Variants in ERP27 observed in about 807,000 individuals in gnomAD.
ERP27 encodes the protein endoplasmic reticulum resident protein 27.
Under a neutral mutation model 27.7 loss-of-function variants are expected in ERP27, and 23 were observed. That is an observed-to-expected ratio of 0.83 (90% confidence interval 0.60 to 1.18). ERP27 has a LOEUF of 1.18. Ranked by LOEUF, ERP27 falls within the 50% of genes most tolerant of loss-of-function variation. ERP27 has a pLI of 0.00. For synonymous variants in ERP27, 159 were observed against 118.3 expected (o/e 1.34, Z -2.23); for missense variants, 363 against 327.9 (o/e 1.11, Z -0.83).
At chr12:14,917,147 A>G (rs1863422629) in intron 5 of ERP27, 31 bp downstream of exon 5, 1 of 1,613,446 alleles carries the variant, frequency 6.2e-7, no homozygotes, top group Non-Finnish European at 8.5e-7. Context: ...GGAGGTGTGT[A>G]TGCAATAGGA....
chr12:14,931,048 T>C (rs1478167485), intron 3 of ERP27, among the ~76,000 whole-genome samples: 4 of 152,186 alleles, frequency 2.6e-5, no homozygotes, highest in African/African-American at 9.7e-5. Flanking sequence ...AAAGCCACTA[T>C]AATATAGTAA....
intron 4 of ERP27, among the ~76,000 whole-genome samples, chr12:14,918,397 T>C (rs1863447416): frequency 6.6e-6 from 1 of 152,222 alleles, no homozygotes; most frequent in Non-Finnish European, 1.5e-5. Flanking sequence ...TTTTGCTGAT[T>C]AGAGATGGTG....
At position 14,917,198 on chromosome 12, in the gene ERP27, C is replaced by T. The variant is rs1305733915; in HGVS notation, c.556G>A (p.Ala186Thr). Residue 186 changes from alanine to threonine, a missense_variant, in exon 5 of 7, where the codon GCC becomes ACC. By Grantham distance (58) the Ala-to-Thr change is moderately conservative (BLOSUM62 0). Coordinates refer to ENST00000266397, the MANE Select transcript of ERP27 (RefSeq NM_152321.4). ...EENMHRYQKAAKLFQGKILFI... is the reference protein window; with the variant it reads ...EENMHRYQKATKLFQGKILFI... ...CTTACCTTCCCCTGGAAGAGCTTGG[C>T]TGCCTTCTGGTATCTGTGCATGTTC... 1.2e-6 allele frequency: 2 copies of T among 1,614,134 alleles called. No individual in the cohort carries two copies. Among genetic ancestry groups the T allele is most frequent in the Non-Finnish European group, 1.7e-6 (2 of 1,180,006 alleles).
chr12:14,928,855 C>T lies in ERP27; in HGVS notation c.333+6001G>A. The T allele has an allele frequency of 6.8e-6, 9 of 1,330,664 alleles. No individual in the cohort carries two copies. The South Asian group carries it at 1.1e-4, about 17-fold the overall frequency. 82.4% of individuals were successfully genotyped at this position (1,330,664 alleles called of 1,614,324 possible). ...TACCACCTCCTTCCCCTTCCCTTGC[C>T]CATATCAAGACGAATGAGTAAAGAA... On this transcript the variant is annotated intron_variant, in intron 3 of 6. Coordinates refer to ENST00000266397, the MANE Select transcript of ERP27 (RefSeq NM_152321.4).
At chr12:14,916,800 T>A (rs1345371036) in intron 5 of ERP27, among the ~76,000 whole-genome samples, 3 of 152,082 alleles carry the variant, frequency 2.0e-5, no homozygotes, top group African/African-American at 7.2e-5. Flanking sequence ...AGGCACCAGG[T>A]ACTTGATAGG....
intron 3 of ERP27, among the ~76,000 whole-genome samples, chr12:14,932,239 A>G (rs1863708001): frequency 2.0e-5 from 3 of 152,210 alleles, no homozygotes; most frequent in Admixed American, 1.3e-4. Context: ...TATGATATGA[A>G]TTATAAAATG....
Position 14,914,374 on chromosome 12 carries a change from C to G in ERP27, c.*361G>C. On this transcript the variant is annotated 3_prime_UTR_variant, in exon 7 of 7. Transcript: ENST00000266397. ...AATGACAAATTGGAACAATCTTTCT[C>G]TAGGAATGCCTCTCTTTCATAGAGG... 8.8e-6 allele frequency: 2 copies of G among 227,992 alleles called. No homozygotes were observed. The highest frequency in any genetic ancestry group is 1.7e-5 in the Non-Finnish European group (2 of 116,890). 14.1% of individuals were successfully genotyped at this position (227,992 alleles called of 1,614,324 possible).
rs1416409097 is a variant in ERP27, at chr12:14,920,692, G to C, written c.450+240C>G. ...TGGCCTTGAGTTAGTCACCTTAACTGTGCATTCTGGTTCTCTTTCTTACTA... is the reference window on the plus strand; with the variant it reads ...TGGCCTTGAGTTAGTCACCTTAACTCTGCATTCTGGTTCTCTTTCTTACTA... On this transcript the variant is annotated intron_variant, in intron 4 of 6. Transcript: ENST00000266397. Among the ~76,000 whole-genome samples, 3 of 152,106 alleles carry C rather than the reference G, an allele frequency of 2.0e-5. No individual in the cohort carries two copies. In the East Asian group the frequency reaches 5.8e-4, roughly 29 times the overall value.
intron 6 of ERP27, 68 bp from the exon 7 acceptor site, chr12:14,914,850 T>C (rs1033648512): frequency 1.6e-6 from 2 of 1,268,432 alleles, no homozygotes; most frequent in Admixed American, 2.0e-5. Context: ...AAGTCCTAAA[T>C]CCTTCTTTAA....
At chr12:14,927,323 G>A (rs1301693775) in intron 3 of ERP27, among the ~76,000 whole-genome samples, 2 of 151,804 alleles carry the variant, frequency 1.3e-5, no homozygotes, top group African/African-American at 4.8e-5. Context: ...GTGTGTGTGT[G>A]CGTGTGTGCA....
intron 4 of ERP27, among the ~76,000 whole-genome samples, chr12:14,917,730 G>C (rs1863434196): frequency 6.6e-6 from 1 of 152,150 alleles, no homozygotes; most frequent in Admixed American, 6.5e-5. Flanking sequence ...ATTCATGTGA[G>C]GGAGCCATCT....
chr12:14,937,940 T>C lies in ERP27; in HGVS notation c.195+12A>G. 3 of 1,611,726 alleles carry C rather than the reference T, an allele frequency of 1.9e-6. No homozygotes were observed. Among genetic ancestry groups the C allele is most frequent in the Non-Finnish European group, 2.5e-6 (3 of 1,178,086 alleles). On this transcript the variant is annotated intron_variant, in intron 2 of 6. Coordinates refer to ENST00000266397, the MANE Select transcript of ERP27 (RefSeq NM_152321.4). The stretch of plus-strand genomic sequence containing the variant: ...TTCTGGCTCTTGGGGGAATTGCAAG[T>C]AGGGAACTAACCTGGAAGAAGCCTA...
At position 14,934,914 on chromosome 12, in the gene ERP27, T is replaced by C. The variant is rs1473355565; in HGVS notation, c.275A>G (p.Asp92Gly). The C allele has an allele frequency of 5.0e-6, 8 of 1,614,004 alleles. No individual in the cohort carries two copies. Residue 92 changes from aspartate (D) to glycine (G), a missense_variant, in exon 3 of 7, where the codon GAT (aspartate) becomes GGT (glycine). Physicochemically the swap from Asp to Gly is moderately conservative, Grantham distance 94. Coordinates refer to ENST00000266397, the MANE Select transcript of ERP27 (RefSeq NM_152321.4). ...GTTGTAGTGTGTCAGAACCTCAGAA[T>C]CAGTGCTGATCCCAAATGACACGCC... ...FPGVSFGIST[D>G]SEVLTHYNIT...
intron 4 of ERP27, 63 bp downstream of exon 4, chr12:14,920,869 T>G: frequency 7.8e-7 from 1 of 1,282,096 alleles, no homozygotes; most frequent in Non-Finnish European, 1.1e-6. Context: ...ACCTCTGTTA[T>G]GAAGACCAGT....
chr12:14,925,552 G>C (rs913621562), intron 3 of ERP27, among the ~76,000 whole-genome samples: 2 of 151,894 alleles, frequency 1.3e-5, no homozygotes, highest in Non-Finnish European at 2.9e-5. Context: ...TAGTTATTTA[G>C]AAGTGTATTT....
intron 3 of ERP27, among the ~76,000 whole-genome samples, chr12:14,926,157 A>G (rs1272221443): frequency 1.3e-5 from 2 of 152,202 alleles, no homozygotes; most frequent in African/African-American, 4.8e-5. Flanking sequence ...CTTATATAGT[A>G]TCAGTACATG....
chr12:14,919,715 A>C (rs1863471237), intron 4 of ERP27, among the ~76,000 whole-genome samples: 1 of 152,226 alleles, frequency 6.6e-6, no homozygotes, highest in African/African-American at 2.4e-5. Flanking sequence ...GCTGTCTCTG[A>C]AGCTTGAATT....
chr12:14,935,280 A>G (rs751856805), intron 2 of ERP27: 84 of 374,446 alleles, frequency 2.2e-4, no homozygotes, highest in Admixed American at 5.2e-4. Flanking sequence ...AGAGGCCTCA[A>G]AATCATAAAG....
rs560808447 is a variant in ERP27 at position 14,928,670 on chromosome 12, GAATTTTGAAACAAATCAA to G, written c.333+6168_333+6185del. 1.5e-4 allele frequency among the ~76,000 whole-genome samples: 23 copies of G among 152,020 alleles called. No homozygotes were observed. The South Asian group carries it at 4.8e-3, about 32-fold the overall frequency. ...CAGAAAAGTTTGTATTTCTAAAAAA[GAATTTTGAAACAAATCAA>G]AACCACAGGGTAAAAATGAACTCCT... is the stretch of plus-strand genomic sequence containing the variant. On this transcript the variant is annotated intron_variant, in intron 3 of 6. Coordinates refer to ENST00000266397, the MANE Select transcript of ERP27 (RefSeq NM_152321.4).
Sources: allele counts gnomAD v4.1 joint callset (sites outside exome capture counted in the v4.1 genomes callset), GRCh38; gene constraint gnomAD v4.1.1; transcripts MANE v1.5; gene names NCBI Gene and HGNC (gene_info 2026-07-23, HGNC 2026-07-21).